Variants in IL4I1 observed in about 807,000 individuals in gnomAD.
The protein encoded by IL4I1 is L-amino-acid oxidase.
In IL4I1, 24 loss-of-function variants were observed where a neutral mutation model predicts 29.7. The observed-to-expected ratio is 0.81, with a 90% CI of 0.59 to 1.14. IL4I1 has a LOEUF of 1.14. IL4I1 is among the 50% of genes most tolerant of loss of function. IL4I1 has a pLI of 0.00. For missense variants in IL4I1, 686 were observed against 785.6 expected (o/e 0.87, Z 1.52); for synonymous variants, 371 against 352.5 (o/e 1.05, Z -0.59).
rs1277285483 is a variant in IL4I1 at position 49,889,883 on chromosome 19, C to T, written c.1491G>A (p.Ala497=). The change falls in exon 8 of 8, where the codon GCG becomes GCA. Residue 497 remains alanine (A), a synonymous_variant. Transcript: ENST00000391826. The part of the protein sequence containing the change: ...HGWVETAVKS[A]LRAAIKINSR... ...TGTTGATCTTGATGGCGGCGCGCAG[C>T]GCCGACTTGACCGCCGTCTCCACCC... 1.4e-5 allele frequency: 22 copies of T among 1,605,540 alleles called. No individual in the cohort carries two copies. Among genetic ancestry groups the T allele is most frequent in the East Asian group, 2.2e-5 (1 of 44,724 alleles).
At chr19:49,900,445 G>A (rs966817710), upstream of IL4I1, among the ~76,000 whole-genome samples, 7 of 152,036 alleles carry the variant, frequency 4.6e-5, no homozygotes, top group Admixed American at 3.3e-4. Flanking sequence ...GCACCACCAC[G>A]CTCAGCTAAT....
Position 49,895,050 on chromosome 19 carries a change from G to A in IL4I1, c.365+18C>T, listed in dbSNP as rs774079442. ...CTAGTTGAGTCTAGGCACACAGGTG[G>A]GTGGGTTGCTAGGTCACCTGTGAGA... On this transcript the variant is annotated intron_variant, in intron 4 of 7. Transcript: ENST00000391826. 1.3e-6 allele frequency: 2 copies of A among 1,589,594 alleles called. No homozygotes were observed. Among genetic ancestry groups the A allele is most frequent in the Admixed American group, 1.7e-5 (1 of 59,852 alleles).
chr19:49,919,358 T>G (rs904301118), intron 2 of IL4I1, among the ~76,000 whole-genome samples: 3 of 152,222 alleles, frequency 2.0e-5, no homozygotes, highest in African/African-American at 7.2e-5. Context: ...TATCCCCACC[T>G]GCACACAAAA....
intron 2 of IL4I1, among the ~76,000 whole-genome samples, chr19:49,919,204 G>A (rs927145934): frequency 6.6e-6 from 1 of 152,158 alleles, no homozygotes; most frequent in African/African-American, 2.4e-5. Flanking sequence ...TCACATTGTT[G>A]TAGCTCAAAA....
intron 2 of IL4I1, among the ~76,000 whole-genome samples, chr19:49,923,066 G>C (rs1232048808): frequency 6.6e-6 from 1 of 151,374 alleles, no homozygotes; most frequent in Non-Finnish European, 1.5e-5. Flanking sequence ...TTATCAGTTT[G>C]CTGTGTCCCT....
intron 3 of IL4I1, among the ~76,000 whole-genome samples, chr19:49,903,750 G>T (rs1270042076): frequency 6.7e-6 from 1 of 149,346 alleles, no homozygotes; most frequent in Non-Finnish European, 1.5e-5. Flanking sequence ...TTGTATTGAT[G>T]ATTAGTTTTT....
At chr19:49,905,745 C>A (rs533731082) in intron 2 of IL4I1, among the ~76,000 whole-genome samples, 3 of 152,086 alleles carry the variant, frequency 2.0e-5, no homozygotes, top group African/African-American at 7.2e-5. Context: ...TACAGGCGCC[C>A]GCCACTTAAC....
rs573534646 is a variant in IL4I1 at position 49,895,188 on chromosome 19, A to G, written c.253-8T>C. The G allele has an allele frequency of 6.2e-7, 1 of 1,611,550 alleles. No homozygotes were observed. The highest frequency in any genetic ancestry group is 1.1e-5 in the South Asian group (1 of 91,004). On this transcript the variant is annotated splice_region_variant and splice_polypyrimidine_tract_variant and intron_variant, in intron 3 of 7. Transcript: ENST00000391826. ...TGCCTCCAGGATGGTGACCTGAGGG[A>G]GTCCGTGGGGCGAGGAGGGCCCTTC...
rs138779872 is a variant in IL4I1, at chr19:49,895,869, G to C, written c.198C>G (p.Gly66=). Reference sequence around the variant, plus strand: ...CGGCCACCAGCCCGGCCACACCAGCGCCAACCACAATCACCCTCTGGGGCT... The same window carrying C: ...CGGCCACCAGCCCGGCCACACCAGCCCCAACCACAATCACCCTCTGGGGCT... ...TLKPQRVIVV[G]AGVAGLVAAK... is the part of the protein sequence containing the mutation. The change falls in exon 3 of 8, where the codon GGC becomes GGG. Residue 66 remains glycine (G), a synonymous_variant. Coordinates refer to ENST00000391826, the MANE Select transcript of IL4I1 (RefSeq NM_152899.2). The C allele has an allele frequency of 6.2e-7, 1 of 1,614,154 alleles. No individual in the cohort carries two copies. The highest frequency in any genetic ancestry group is 1.3e-5 in the African/African-American group (1 of 75,054).
chr19:49,923,191 C>T (rs1330962166), intron 2 of IL4I1, among the ~76,000 whole-genome samples: 1 of 152,154 alleles, frequency 6.6e-6, no homozygotes, highest in Non-Finnish European at 1.5e-5. Flanking sequence ...TGTCTCCCAG[C>T]CCCCGCGTCA....
chr19:49,909,550 A>C, intron 2 of IL4I1: 1 of 1,614,080 alleles, frequency 6.2e-7, no homozygotes, highest in Non-Finnish European at 8.5e-7. Context: ...AAGAAAATCC[A>C]GTTCCCCCCG....
At chr19:49,918,895 T>TGGGGGGGGGGGGGGGGGG (rs56129490) in intron 2 of IL4I1, among the ~76,000 whole-genome samples, 7 of 72,332 alleles carry the variant, frequency 9.7e-5, no homozygotes, top group Admixed American at 3.5e-4. Context: ...TTTGGGAGGC[T>TGGGGGGGGGGGGGGGGGG]GGGGGGGGGG....
Position 49,925,534 on chromosome 19 carries a change from A to T in IL4I1, c.-228+2160T>A, listed in dbSNP as rs117861482. On this transcript the variant is annotated intron_variant, in intron 2 of 9. Coordinates refer to the IL4I1 transcript ENST00000341114. ...CTGAGACAAAACCAAATGGAAGCAC[A>T]TTCCATAAAATACCCAACCAGCATT... Among the ~76,000 whole-genome samples the T allele has an allele frequency of 3.1e-3, 479 of 152,238 alleles. 2 individuals are homozygous for T. Among genetic ancestry groups the T allele is most frequent in the Non-Finnish European group, 5.1e-3 (345 of 68,014 alleles).
chr19:49,914,733 T>TTTTTTTG (rs2075578753), intron 2 of IL4I1, among the ~76,000 whole-genome samples: 1 of 102,906 alleles, frequency 9.7e-6, no homozygotes, highest in African/African-American at 4.6e-5. Flanking sequence ...CCAGTTTTTT[T>TTTTTTTG]TTTTTTTTTT....
chr19:49,911,312 G>C (rs1053324488), intron 2 of IL4I1: 3 of 152,208 alleles, frequency 2.0e-5, no homozygotes, highest in African/African-American at 7.2e-5. Flanking sequence ...GAGAAAGCCA[G>C]GAGCCAAGGA....
intron 2 of IL4I1, among the ~76,000 whole-genome samples, chr19:49,917,061 T>C (rs115592783): frequency 0.015 from 2,226 of 152,340 alleles, 48 homozygotes; most frequent in South Asian, 0.1. Flanking sequence ...GGACCTCCCC[T>C]TTCCCCATGG....
chr19:49,894,194 A>G, intron 5 of IL4I1, 74 bp downstream of exon 5: 1 of 1,455,466 alleles, frequency 6.9e-7, no homozygotes, highest in South Asian at 1.2e-5. Flanking sequence ...CAGAGAGAAG[A>G]AAAGCCGGGC....
In IL4I1 at chr19:49,919,303, T is replaced by C. The variant is rs141729731; in HGVS notation, c.-228+8391A>G. 2.0e-5 allele frequency among the ~76,000 whole-genome samples: 3 copies of C among 152,316 alleles called. No individual in the cohort carries two copies. The East Asian group carries it at 5.8e-4, about 29-fold the overall frequency. On this transcript the variant is annotated intron_variant, in intron 2 of 9. Transcript: ENST00000341114. ...TGGAGACAGGCTGCTGTTGCACATC[T>C]TTGCAGAGACTTGCTGTGCGTTTAA...
In IL4I1 at chr19:49,893,335, G is replaced by T. The variant is rs368740043; in HGVS notation, c.567+933C>A. Among the ~76,000 whole-genome samples, 9 of 151,690 alleles carry T rather than the reference G, an allele frequency of 5.9e-5. No individual in the cohort carries two copies. In the East Asian group the frequency reaches 1.6e-3, roughly 26 times the overall value. On this transcript the variant is annotated intron_variant, in intron 5 of 7. Coordinates refer to ENST00000391826, the MANE Select transcript of IL4I1 (RefSeq NM_152899.2). Reference sequence around the variant, plus strand: ...GGCCTGAGCTGGGGCAGGCAGAGGGGAGCAGGGCACAAGCGTCAGGCGGCA... The same window carrying T: ...GGCCTGAGCTGGGGCAGGCAGAGGGTAGCAGGGCACAAGCGTCAGGCGGCA...
Sources: allele counts gnomAD v4.1 joint callset (sites outside exome capture counted in the v4.1 genomes callset), GRCh38; gene constraint gnomAD v4.1.1; transcripts MANE v1.5; gene names NCBI Gene and HGNC (gene_info 2026-07-23, HGNC 2026-07-21).